Variants in LGR5 observed in about 807,000 individuals in gnomAD.
The protein encoded by LGR5 is leucine rich repeat containing G protein-coupled receptor 5.
In LGR5, 54 loss-of-function variants were observed where a neutral mutation model predicts 76.7. The ratio of observed to expected loss-of-function variants is 0.70; its 90% CI spans 0.57 to 0.88. The LOEUF is 0.88. Ranked by LOEUF, LGR5 falls within the 40% of genes least tolerant of loss-of-function variation. The pLI is 0.00. For synonymous variants in LGR5, 406 were observed against 421.9 expected (o/e 0.96, Z 0.46); for missense variants, 1,078 against 1,073.3 (o/e 1.00, Z -0.06).
intron 1 of LGR5, among the ~76,000 whole-genome samples, chr12:71,493,606 G>T (rs1380816293): frequency 6.6e-6 from 1 of 151,114 alleles, no homozygotes; most frequent in East Asian, 1.9e-4. Flanking sequence ...AGGCTTAGGA[G>T]AAAGAGATGG....
At chr12:71,439,532 G>A (rs183584129), upstream of LGR5, among the ~76,000 whole-genome samples, 1 of 148,618 alleles carries the variant, frequency 6.7e-6, no homozygotes, top group Non-Finnish European at 1.5e-5. Context: ...GGGTAAGGGT[G>A]GGGGGGTCCC....
In LGR5 at chr12:71,439,807, C is replaced by CG. The variant is rs1246104622; in HGVS notation, c.-273dup. 9 of 468,882 alleles carry CG rather than the reference C, an allele frequency of 1.9e-5. No individual in the cohort carries two copies. The highest frequency in any genetic ancestry group is 3.4e-5 in the Non-Finnish European group (9 of 266,784). 29.0% of individuals were successfully genotyped at this position (468,882 alleles called of 1,614,324 possible). A position where few individuals can be genotyped will look rare whatever the true frequency, so the allele number is the denominator to read the frequency against. On this transcript the variant is annotated 5_prime_UTR_variant, in exon 1 of 18. Coordinates refer to ENST00000266674, the MANE Select transcript of LGR5 (RefSeq NM_003667.4). Reference sequence around the variant, plus strand: ...TGCAAGCAGAGATGCTGCTCCACACCGCTCAGGCCGCGAGCAGCAGCAAGG... The same window carrying CG: ...TGCAAGCAGAGATGCTGCTCCACACCGGCTCAGGCCGCGAGCAGCAGCAAGG...
chr12:71,530,969 G>A (rs1206300451), intron 3 of LGR5, among the ~76,000 whole-genome samples: 3 of 140,756 alleles, frequency 2.1e-5, no homozygotes, highest in Admixed American at 7.5e-5. Flanking sequence ...CTCCTTCACT[G>A]TACCTGTTCT....
intron 1 of LGR5, among the ~76,000 whole-genome samples, chr12:71,491,302 ATGT>A (rs1874061811): frequency 6.6e-6 from 1 of 152,200 alleles, no homozygotes; most frequent in Non-Finnish European, 1.5e-5. Context: ...CAACAGAAAA[ATGT>A]TGAAGACCCA....
intron 1 of LGR5, among the ~76,000 whole-genome samples, chr12:71,451,008 T>C (rs1048702171): frequency 1.3e-5 from 2 of 152,116 alleles, no homozygotes; most frequent in African/African-American, 4.8e-5. Flanking sequence ...CCTCCCTAGC[T>C]CCCTGTTAAA....
chr12:71,539,917 C>T (rs1366456734), intron 4 of LGR5, among the ~76,000 whole-genome samples: 2 of 152,212 alleles, frequency 1.3e-5, no homozygotes, highest in Non-Finnish European at 2.9e-5. Context: ...ATGGCAATGA[C>T]TTCCCAGACA....
At chr12:71,493,409 GT>G (rs1164244202) in intron 1 of LGR5, among the ~76,000 whole-genome samples, 2 of 151,226 alleles carry the variant, frequency 1.3e-5, no homozygotes, top group Non-Finnish European at 2.9e-5. Context: ...GAAAATTTTT[GT>G]GTATTTTCTT....
At chr12:71,505,035 A>G (rs1461996613) in intron 2 of LGR5, among the ~76,000 whole-genome samples, 2 of 152,244 alleles carry the variant, frequency 1.3e-5, no homozygotes, top group East Asian at 3.8e-4. Flanking sequence ...CATGTTTATT[A>G]AAATCGCAAG....
intron 1 of LGR5, among the ~76,000 whole-genome samples, chr12:71,446,914 A>G: frequency 6.6e-6 from 1 of 152,236 alleles, no homozygotes; most frequent in East Asian, 1.9e-4. Context: ...ATCAGAGATA[A>G]GTTGCAGTAG....
rs199764799 is a variant in LGR5 at position 71,489,400 on chromosome 12, C to A, written c.213-15214C>A. Among the ~76,000 whole-genome samples, 4 of 152,108 alleles carry A rather than the reference C, an allele frequency of 2.6e-5. No homozygotes were observed. The East Asian group carries it at 5.8e-4, about 22-fold the overall frequency. On this transcript the variant is annotated intron_variant, in intron 1 of 17. Transcript: ENST00000266674. Reference sequence around the variant, plus strand: ...CCTTATTTAGCATTAAATTTGCATCCTTTTAGACAACATTTTTGTTGTTCC... The same window carrying A: ...CCTTATTTAGCATTAAATTTGCATCATTTTAGACAACATTTTTGTTGTTCC...
At position 71,583,876 on chromosome 12, in the gene LGR5, C is replaced by A. The variant is rs2137485397; in HGVS notation, c.1866C>A (p.Gly622=). Reference sequence around the variant, plus strand: ...CTGGTGTGGATGCGTTCACTTTTGGCAGCTTTGCACGACATGGTGCCTGGT... The same window carrying A: ...CTGGTGTGGATGCGTTCACTTTTGGAAGCTTTGCACGACATGGTGCCTGGT... ...VLAGVDAFTF[G]SFARHGAWWE... The change falls in exon 18 of 18, where the codon GGC becomes GGA. Residue 622 remains glycine, a synonymous_variant. Transcript: ENST00000266674. 6.2e-7 allele frequency: 1 copy of A among 1,614,110 alleles called. No individual in the cohort carries two copies. Among genetic ancestry groups the A allele is most frequent in the Non-Finnish European group, 8.5e-7 (1 of 1,180,026 alleles).
chr12:71,464,976 C>A (rs1872806501), intron 1 of LGR5, among the ~76,000 whole-genome samples: 1 of 152,092 alleles, frequency 6.6e-6, no homozygotes, highest in Admixed American at 6.5e-5. Flanking sequence ...GAGATGAGGT[C>A]ATAAGATCCT....
intron 8 of LGR5, among the ~76,000 whole-genome samples, chr12:71,563,997 T>C (rs188780996): frequency 8.5e-4 from 34 of 39,972 alleles, no homozygotes; most frequent in African/African-American, 1.6e-3. Flanking sequence ...TATGCATATA[T>C]ACGTATCTGT....
At chr12:71,445,617 G>T (rs1871954377) in intron 1 of LGR5, among the ~76,000 whole-genome samples, 1 of 152,152 alleles carries the variant, frequency 6.6e-6, no homozygotes, top group African/African-American at 2.4e-5. Flanking sequence ...TAAGTTATAT[G>T]GTGGGAAGCA....
At chr12:71,536,192 T>C (rs1263084489) in intron 4 of LGR5, among the ~76,000 whole-genome samples, 1 of 152,204 alleles carries the variant, frequency 6.6e-6, no homozygotes, top group Non-Finnish European at 1.5e-5. Context: ...TAAATATTGA[T>C]AAATATTGTG....
intron 1 of LGR5, among the ~76,000 whole-genome samples, chr12:71,481,841 T>C (rs11178823): frequency 0.018 from 2,807 of 152,276 alleles, 100 homozygotes; most frequent in African/African-American, 0.065. Context: ...GGGGGGTATT[T>C]TCTGTATAAT....
At chr12:71,446,738 A>G (rs968851863) in intron 1 of LGR5, among the ~76,000 whole-genome samples, 1 of 152,210 alleles carries the variant, frequency 6.6e-6, no homozygotes, top group Non-Finnish European at 1.5e-5. Flanking sequence ...AAGCCCTAAT[A>G]CCAGAAATAT....
Position 71,556,665 on chromosome 12 carries a change from G to T in LGR5, c.691G>T (p.Asp231Tyr). The change falls in exon 6 of 18, where the codon GAT becomes TAT. Residue 231 changes from aspartate to tyrosine, a missense_variant. Asp to Tyr is a radical substitution (Grantham distance 160). Coordinates refer to ENST00000266674, the MANE Select transcript of LGR5 (RefSeq NM_003667.4). ...CCACTCCCTGGGAAAGAAATGCTTT[G>T]ATGGGCTCCACAGCCTAGAGACTTT... is the stretch of plus-strand genomic sequence containing the variant. ...RIHSLGKKCF[D>Y]GLHSLETLDL... The T allele has an allele frequency of 6.2e-7, 1 of 1,612,366 alleles. No individual in the cohort carries two copies. Among genetic ancestry groups the T allele is most frequent in the Non-Finnish European group, 8.5e-7 (1 of 1,178,448 alleles).
At chr12:71,491,354 A>G (rs1416450594) in intron 1 of LGR5, among the ~76,000 whole-genome samples, 1 of 152,128 alleles carries the variant, frequency 6.6e-6, no homozygotes, top group Non-Finnish European at 1.5e-5. Context: ...AATCCTTTTA[A>G]TTATCTCTTA....
Sources: allele counts gnomAD v4.1 joint callset (sites outside exome capture counted in the v4.1 genomes callset), GRCh38; gene constraint gnomAD v4.1.1; transcripts MANE v1.5; gene names NCBI Gene and HGNC (gene_info 2026-07-23, HGNC 2026-07-21).